Variants in SVIL observed in about 807,000 individuals in gnomAD.
SVIL encodes archvillin.
A neutral mutation model predicts 240.4 loss-of-function variants in SVIL; 101 were observed. The observed-to-expected ratio is 0.42, with a 90% CI of 0.36 to 0.50. The LOEUF (loss-of-function observed/expected upper bound fraction) is 0.50, where lower values mean the gene tolerates loss of function less well. SVIL is among the 20% of genes least tolerant of loss of function. SVIL has a pLI of 0.01. For synonymous variants in SVIL, 999 were observed against 1,100.0 expected (o/e 0.91, Z 1.82); for missense variants, 2,512 against 2,818.7 (o/e 0.89, Z 2.46).
intron 2 of SVIL, among the ~76,000 whole-genome samples, chr10:29,666,255 T>A (rs916487839): frequency 1.3e-5 from 2 of 152,110 alleles, no homozygotes; most frequent in African/African-American, 4.8e-5. Flanking sequence ...TTCCACTCTT[T>A]AAAAAAATAA....
At chr10:29,586,516 C>T (rs1956172384) in intron 1 of SVIL, among the ~76,000 whole-genome samples, 1 of 152,064 alleles carries the variant, frequency 6.6e-6, no homozygotes, top group African/African-American at 2.4e-5. Flanking sequence ...AACGCAGGTC[C>T]CTTGGCTCCT....
At chr10:29,664,509 C>A (rs1471093018) in intron 2 of SVIL, among the ~76,000 whole-genome samples, 1 of 152,220 alleles carries the variant, frequency 6.6e-6, no homozygotes, top group East Asian at 1.9e-4. Context: ...TTATAAATAA[C>A]AATTACAGCT....
intron 30 of SVIL, among the ~76,000 whole-genome samples, chr10:29,473,214 T>C (rs1945790523): frequency 6.6e-6 from 1 of 152,206 alleles, no homozygotes; most frequent in Middle Eastern, 3.4e-3. Context: ...CTGCAGTGTG[T>C]GTGGCAGACA....
intron 1 of SVIL, among the ~76,000 whole-genome samples, chr10:29,569,838 A>C (rs1170745695): frequency 1.3e-5 from 2 of 152,240 alleles, no homozygotes; most frequent in Non-Finnish European, 2.9e-5. Context: ...ATAACTATTT[A>C]TTTGTATTTT....
intron 3 of SVIL, among the ~76,000 whole-genome samples, chr10:29,555,875 T>C (rs577973699): frequency 6.6e-5 from 10 of 152,346 alleles, no homozygotes; most frequent in African/African-American, 2.4e-4. Flanking sequence ...TCAATGGCTG[T>C]AACTATCTGA....
At chr10:29,673,862 A>G (rs1407679063) in intron 2 of SVIL, among the ~76,000 whole-genome samples, 2 of 152,240 alleles carry the variant, frequency 1.3e-5, no homozygotes, top group Admixed American at 1.3e-4. Context: ...AACCATGTGT[A>G]GGTACCAAGA....
Position 29,529,827 on chromosome 10 carries a change from A to T in SVIL, c.2124T>A (p.Phe708Leu). ...RLLFREMEKS[F>L]DEQNVPKRRS... The stretch of plus-strand genomic sequence containing the variant: ...GTCGCTTTGGAACATTTTGTTCATC[A>T]AAAGATTTTTCCATCTCCTAAGATT... The change falls in exon 12 of 38, where the codon TTT becomes TTA. Residue 708 changes from phenylalanine to leucine, a missense_variant. Transcript: ENST00000355867. The T allele has an allele frequency of 2.5e-6, 4 of 1,610,696 alleles. No individual in the cohort carries two copies. The highest frequency in any genetic ancestry group is 3.4e-6 in the Non-Finnish European group (4 of 1,179,014).
Position 29,526,933 on chromosome 10 carries a change from G to A in SVIL, c.2342+28C>T, listed in dbSNP as rs532789959. On this transcript the variant is annotated intron_variant, in intron 13 of 37. Transcript: ENST00000355867. ...GCTGTTCGGCACCTTTGCACCGGGT[G>A]CCGCATGCATCTGTATCTGTCCAGT... 20 of 1,512,732 alleles carry A rather than the reference G, an allele frequency of 1.3e-5. No individual in the cohort carries two copies. The East Asian group carries it at 4.3e-4, about 33-fold the overall frequency. 93.7% of individuals were successfully genotyped at this position (1,512,732 alleles called of 1,614,324 possible). A position where few individuals can be genotyped will look rare whatever the true frequency, so the allele number is the denominator to read the frequency against.
At chr10:29,623,075 C>A (rs1481871713) in intron 1 of SVIL, among the ~76,000 whole-genome samples, 2 of 152,080 alleles carry the variant, frequency 1.3e-5, no homozygotes, top group African/African-American at 4.8e-5. Context: ...AATAAGGAAT[C>A]CCCAGGAAAT....
intron 2 of SVIL, among the ~76,000 whole-genome samples, chr10:29,685,533 C>T (rs1961002693): frequency 6.6e-6 from 1 of 152,252 alleles, no homozygotes; most frequent in Admixed American, 6.5e-5. Context: ...TACACTCTCA[C>T]CAACAATGTA....
intron 1 of SVIL, among the ~76,000 whole-genome samples, chr10:29,733,013 G>C (rs189972747): frequency 1.6e-3 from 249 of 152,234 alleles, no homozygotes; most frequent in Non-Finnish European, 2.4e-3. Flanking sequence ...TAAACTCCTT[G>C]GGCGACTGGA....
intron 3 of SVIL, among the ~76,000 whole-genome samples, chr10:29,641,618 A>G (rs1045061550): frequency 6.6e-6 from 1 of 152,232 alleles, no homozygotes; most frequent in African/African-American, 2.4e-5. Flanking sequence ...GTTAAAGGAC[A>G]AATGTAAGAC....
chr10:29,492,450 C>T (rs796377396), intron 21 of SVIL, among the ~76,000 whole-genome samples: 61 of 152,198 alleles, frequency 4.0e-4, no homozygotes, highest in Middle Eastern at 3.4e-3. Context: ...TGAGGGGCCT[C>T]TAGAACCCGA....
At chr10:29,594,922 A>G (rs1956526499) in intron 1 of SVIL, among the ~76,000 whole-genome samples, 1 of 152,250 alleles carries the variant, frequency 6.6e-6, no homozygotes, top group Non-Finnish European at 1.5e-5. Flanking sequence ...TCTGGGTTGT[A>G]TAGTTCCCCA....
At position 29,533,470 on chromosome 10, in the gene SVIL, A is replaced by G; in HGVS notation, c.909-12T>C. ...CTCTAACTTTAACTCTTTAAGAAAG[A>G]AAAAGGATTTAAGTTGCAAAGTGCA... is the stretch of plus-strand genomic sequence containing the variant. On this transcript the variant is annotated splice_polypyrimidine_tract_variant and intron_variant, in intron 7 of 37. Transcript: ENST00000355867. The G allele has an allele frequency of 6.2e-7, 1 of 1,606,778 alleles. No individual in the cohort carries two copies.
At chr10:29,726,133 G>A (rs1964276733) in intron 1 of SVIL, among the ~76,000 whole-genome samples, 1 of 151,946 alleles carries the variant, frequency 6.6e-6, no homozygotes, top group South Asian at 2.1e-4. Flanking sequence ...AGTTGCCCAG[G>A]CTGGTCTCAA....
intron 1 of SVIL, among the ~76,000 whole-genome samples, chr10:29,596,263 G>A (rs922117910): frequency 6.6e-6 from 1 of 152,160 alleles, no homozygotes; most frequent in African/African-American, 2.4e-5. Context: ...TTGAGGCCAG[G>A]AGTTTGAGAC....
chr10:29,470,923 C>T (rs1002085789), intron 31 of SVIL, among the ~76,000 whole-genome samples: 1 of 152,134 alleles, frequency 6.6e-6, no homozygotes, highest in Non-Finnish European at 1.5e-5. Context: ...ACCTTCCAGC[C>T]TCCTGCGTGC....
At chr10:29,583,738 A>G (rs1956045165) in intron 1 of SVIL, among the ~76,000 whole-genome samples, 1 of 152,194 alleles carries the variant, frequency 6.6e-6, no homozygotes, top group African/African-American at 2.4e-5. Context: ...CTTCATGGTC[A>G]TATTATTGCA....
Sources: allele counts gnomAD v4.1 joint callset (sites outside exome capture counted in the v4.1 genomes callset), GRCh38; gene constraint gnomAD v4.1.1; transcripts MANE v1.5; gene names NCBI Gene and HGNC (gene_info 2026-07-23, HGNC 2026-07-21).